Variants in SEMA6D observed in about 807,000 individuals in gnomAD.
SEMA6D encodes the protein semaphorin-6D.
A neutral mutation model predicts 106.6 loss-of-function variants in SEMA6D; 35 were observed. The observed-to-expected ratio is 0.33, with a 90% CI of 0.25 to 0.44. The LOEUF is 0.44. SEMA6D is among the 20% of genes least tolerant of loss of function. SEMA6D has a pLI of 1.00. For synonymous variants in SEMA6D, 499 were observed against 487.7 expected (o/e 1.02, Z -0.31); for missense variants, 1,185 against 1,345.9 (o/e 0.88, Z 1.87).
intron 1 of SEMA6D, among the ~76,000 whole-genome samples, chr15:47,212,448 C>G (rs369448400): frequency 1.3e-5 from 2 of 152,076 alleles, no homozygotes; most frequent in African/African-American, 4.8e-5. Flanking sequence ...TGAAATTTGG[C>G]GAGTGGGTGA....
At chr15:47,654,714 C>A (rs1426750564) in intron 4 of SEMA6D, among the ~76,000 whole-genome samples, 1 of 152,182 alleles carries the variant, frequency 6.6e-6, no homozygotes, top group Non-Finnish European at 1.5e-5. Context: ...GGCTCCTCCC[C>A]CCACTGCCTT....
intron 1 of SEMA6D, among the ~76,000 whole-genome samples, chr15:47,339,430 T>G (rs2037718582): frequency 6.6e-6 from 1 of 152,166 alleles, no homozygotes. Flanking sequence ...ACCCACTTGG[T>G]GTAGAGGGGA....
chr15:47,281,894 AT>A (rs996649658), intron 1 of SEMA6D, among the ~76,000 whole-genome samples: 6 of 152,098 alleles, frequency 3.9e-5, no homozygotes, highest in African/African-American at 9.7e-5. Flanking sequence ...TTTTATCCCA[AT>A]TTTACAAATA....
intron 4 of SEMA6D, among the ~76,000 whole-genome samples, chr15:47,635,628 C>T (rs1041359191): frequency 6.6e-6 from 1 of 152,166 alleles, no homozygotes; most frequent in Admixed American, 6.5e-5. Flanking sequence ...GGGATTGAGA[C>T]TTTAACCTGT....
intron 4 of SEMA6D, among the ~76,000 whole-genome samples, chr15:47,677,616 T>C (rs1486304768): frequency 6.6e-6 from 1 of 152,220 alleles, no homozygotes; most frequent in Non-Finnish European, 1.5e-5. Context: ...AGATCTGAAG[T>C]CCATTCCTGT....
At chr15:47,443,136 A>T (rs1223854402) in intron 2 of SEMA6D, among the ~76,000 whole-genome samples, 2 of 152,156 alleles carry the variant, frequency 1.3e-5, no homozygotes, top group Non-Finnish European at 2.9e-5. Flanking sequence ...AATGATAGAT[A>T]TGTCACCTTG....
At chr15:47,611,160 C>G (rs1303218954) in intron 4 of SEMA6D, among the ~76,000 whole-genome samples, 1 of 149,546 alleles carries the variant, frequency 6.7e-6, no homozygotes, top group African/African-American at 2.5e-5. Flanking sequence ...CACACACACA[C>G]ACACACACAC....
intron 3 of SEMA6D, among the ~76,000 whole-genome samples, chr15:47,472,948 A>G (rs1312978153): frequency 6.6e-6 from 1 of 152,192 alleles, no homozygotes; most frequent in Non-Finnish European, 1.5e-5. Flanking sequence ...TTTCTGGAGA[A>G]AGACAGTGCC....
intron 1 of SEMA6D, among the ~76,000 whole-genome samples, chr15:47,213,066 G>A (rs1566929360): frequency 6.6e-6 from 1 of 151,986 alleles, no homozygotes; most frequent in African/African-American, 2.4e-5. Context: ...TTTCTGAAGT[G>A]TTGGCAATGT....
At chr15:47,348,710 CACACACACCACACACACAGAGAGAGAGAG>C (rs2038158385) in intron 1 of SEMA6D, among the ~76,000 whole-genome samples, 2 of 94,878 alleles carry the variant, frequency 2.1e-5, no homozygotes, top group Non-Finnish European at 4.1e-5. Context: ...CACACACACA[CACACACACCACACACACAGAGAGAGAGAG>C]AGAGAGAGAG....
chr15:47,749,087 T>C (rs1339386724), intron 1 of SEMA6D, among the ~76,000 whole-genome samples: 2 of 149,818 alleles, frequency 1.3e-5, no homozygotes, highest in South Asian at 2.1e-4. Context: ...TTTCTTTTTT[T>C]TTTTTTTTTT....
chr15:47,445,205 G>C (rs948667351), intron 2 of SEMA6D, among the ~76,000 whole-genome samples: 3 of 152,024 alleles, frequency 2.0e-5, no homozygotes, highest in African/African-American at 7.2e-5. Context: ...TACAGAAGAG[G>C]GGGGTGTGGT....
intron 3 of SEMA6D, among the ~76,000 whole-genome samples, chr15:47,503,556 C>T (rs2043929795): frequency 6.6e-6 from 1 of 152,132 alleles, no homozygotes; most frequent in African/African-American, 2.4e-5. Context: ...CTTTCATTTC[C>T]ATTTACATTA....
At chr15:47,194,141 G>C (rs1894172044) in intron 1 of SEMA6D, among the ~76,000 whole-genome samples, 1 of 151,898 alleles carries the variant, frequency 6.6e-6, no homozygotes. Context: ...ATGGATGATA[G>C]GTTTGGTTGG....
chr15:47,592,695 C>A (rs867786513), intron 3 of SEMA6D, among the ~76,000 whole-genome samples: 1 of 152,026 alleles, frequency 6.6e-6, no homozygotes, highest in African/African-American at 2.4e-5. Flanking sequence ...TCTAGAAGGG[C>A]CCTTCATGAA....
At chr15:47,334,786 C>T (rs1375681476) in intron 1 of SEMA6D, among the ~76,000 whole-genome samples, 1 of 152,146 alleles carries the variant, frequency 6.6e-6, no homozygotes, top group Non-Finnish European at 1.5e-5. Flanking sequence ...TAGTTACACT[C>T]CATTCCATTA....
intron 2 of SEMA6D, among the ~76,000 whole-genome samples, chr15:47,445,081 A>T (rs952453117): frequency 7.9e-5 from 12 of 151,786 alleles, no homozygotes; most frequent in African/African-American, 2.9e-4. Context: ...CCCCAGCCAA[A>T]CTCCTCTTGG....
chr15:47,448,568 A>G (rs1042526477), intron 2 of SEMA6D, among the ~76,000 whole-genome samples: 2 of 152,114 alleles, frequency 1.3e-5, no homozygotes, highest in Admixed American at 1.3e-4. Flanking sequence ...GGATGAATCT[A>G]TTTATCACAA....
intron 3 of SEMA6D, among the ~76,000 whole-genome samples, chr15:47,550,158 GTGAT>G (rs2045640506): frequency 6.6e-6 from 1 of 152,136 alleles, no homozygotes; most frequent in Admixed American, 6.6e-5. Context: ...GTGAGCAAAA[GTGAT>G]TGAAAAAATG....
Sources: allele counts gnomAD v4.1 joint callset (sites outside exome capture counted in the v4.1 genomes callset), GRCh38; gene constraint gnomAD v4.1.1; transcripts MANE v1.5; gene names NCBI Gene and HGNC (gene_info 2026-07-23, HGNC 2026-07-21).